The following ACYP2 variants were observed in gnomAD, a reference collection of about 807,000 sequenced individuals.
The protein encoded by ACYP2 is acylphosphatase 2, also known as acylphosphatase-2.
In ACYP2, 12 loss-of-function variants were observed where a neutral mutation model predicts 11.2. The ratio of observed to expected loss-of-function variants is 1.08; its 90% CI spans 0.69 to 1.74. ACYP2 has a LOEUF of 1.74. ACYP2 is among the 40% of genes most tolerant of loss of function. The pLI, the probability that ACYP2 is intolerant of heterozygous loss-of-function variation, is 0.00. For missense variants in ACYP2, 134 were observed against 101.9 expected (o/e 1.31, Z -1.35); for synonymous variants, 43 against 32.2 (o/e 1.33, Z -1.13).
chr2:54,003,412 A>G (rs1213438865), intron 2 of ACYP2, among the ~76,000 whole-genome samples: 5 of 152,106 alleles, frequency 3.3e-5, no homozygotes, highest in African/African-American at 1.2e-4. Context: ...GGCATCTGCC[A>G]CCACATCCGG....
chr2:54,299,283 G>A (rs1454180693), intron 6 of ACYP2, among the ~76,000 whole-genome samples: 3 of 152,102 alleles, frequency 2.0e-5, no homozygotes. Context: ...GCTCCCAGAT[G>A]CAATGGTCAC....
intron 1 of ACYP2, among the ~76,000 whole-genome samples, chr2:53,971,622 C>T (rs913010971): frequency 2.0e-5 from 3 of 152,134 alleles, no homozygotes; most frequent in South Asian, 2.1e-4. Context: ...CTCCCAAGGA[C>T]TTAGTCTAGC....
chr2:54,255,575 G>A (rs763306307), intron 6 of ACYP2: 22 of 1,612,412 alleles, frequency 1.4e-5, no homozygotes, highest in Middle Eastern at 1.6e-4. Flanking sequence ...AGGGGCCCGG[G>A]CCCGGGCCCA....
At chr2:54,054,735 A>G (rs963232050) in intron 3 of ACYP2, among the ~76,000 whole-genome samples, 13 of 152,246 alleles carry the variant, frequency 8.5e-5, no homozygotes, top group Admixed American at 8.5e-4. Context: ...ATGATTGCCC[A>G]CAATCATATA....
At chr2:54,141,864 G>C (rs1176530490) in intron 6 of ACYP2, 1 of 631,340 alleles carries the variant, frequency 1.6e-6, no homozygotes, top group African/African-American at 1.8e-5. Context: ...TGAGACAAGG[G>C]TCTTGCTCTC....
chr2:54,280,197 G>T (rs192093437), intron 6 of ACYP2, among the ~76,000 whole-genome samples: 4 of 152,226 alleles, frequency 2.6e-5, no homozygotes, highest in African/African-American at 7.2e-5. Context: ...AGAACCTGAT[G>T]TAAGTCAGGG....
At chr2:53,982,721 C>T (rs924248545) in intron 2 of ACYP2, among the ~76,000 whole-genome samples, 3 of 152,162 alleles carry the variant, frequency 2.0e-5, no homozygotes, top group Non-Finnish European at 2.9e-5. Context: ...ATTGTCTTAG[C>T]ATGAGACTTC....
chr2:54,103,265 C>T (rs1021733058), intron 4 of ACYP2, among the ~76,000 whole-genome samples: 1 of 152,194 alleles, frequency 6.6e-6, no homozygotes, highest in South Asian at 2.1e-4. Context: ...ATAAAAGCAA[C>T]ACATGTCCAC....
intron 2 of ACYP2, among the ~76,000 whole-genome samples, chr2:54,046,167 CAAAAAAAAAAAA>C (rs36114622): frequency 2.1e-4 from 12 of 55,846 alleles, no homozygotes; most frequent in Admixed American, 1.2e-3. Flanking sequence ...CAGACCCTGT[CAAAAAAAAAAAA>C]AAAAAAAAAA....
intron 6 of ACYP2, among the ~76,000 whole-genome samples, chr2:54,139,210 T>C (rs1681456295): frequency 6.6e-6 from 1 of 152,228 alleles, no homozygotes; most frequent in African/African-American, 2.4e-5. Context: ...AGGGCCCAAG[T>C]AATTCTCATT....
chr2:54,204,365 G>A (rs913681267), intron 6 of ACYP2, among the ~76,000 whole-genome samples: 1 of 148,092 alleles, frequency 6.8e-6, no homozygotes, highest in Admixed American at 6.7e-5. Context: ...TATTTTATGT[G>A]TGGCCCAACG....
At chr2:54,140,229 T>C (rs1305409510) in intron 6 of ACYP2, among the ~76,000 whole-genome samples, 1 of 152,146 alleles carries the variant, frequency 6.6e-6, no homozygotes, top group East Asian at 1.9e-4. Context: ...CAAATGATTG[T>C]GTGGAAGTTT....
intron 2 of ACYP2, among the ~76,000 whole-genome samples, chr2:53,986,232 C>T (rs2104514430): frequency 6.6e-6 from 1 of 152,296 alleles, no homozygotes; most frequent in Middle Eastern, 3.4e-3. Flanking sequence ...CATATGCTGT[C>T]TCTTCTTCCC....
At chr2:54,069,670 AAAAAACAAAAAAAAC>A (rs953466470) in intron 4 of ACYP2, among the ~76,000 whole-genome samples, 9 of 152,090 alleles carry the variant, frequency 5.9e-5, no homozygotes, top group African/African-American at 2.2e-4. Flanking sequence ...TCAAAAAAAC[AAAAAACAAAAAAAAC>A]AAAAACAAAA....
chr2:53,972,046 A>C (rs953145046), intron 1 of ACYP2, among the ~76,000 whole-genome samples: 2 of 152,230 alleles, frequency 1.3e-5, no homozygotes, highest in South Asian at 4.1e-4. Flanking sequence ...GCAGTGGCTC[A>C]CGCCTGTAAT....
At chr2:54,050,233 G>A (rs1161759395) in intron 2 of ACYP2, among the ~76,000 whole-genome samples, 1 of 152,056 alleles carries the variant, frequency 6.6e-6, no homozygotes, top group Non-Finnish European at 1.5e-5. Context: ...TTGAGGACCT[G>A]CTGTATATTG....
At chr2:54,246,201 G>A (rs187123928) in intron 6 of ACYP2, among the ~76,000 whole-genome samples, 6 of 152,110 alleles carry the variant, frequency 3.9e-5, no homozygotes, top group Admixed American at 3.9e-4. Context: ...TCTCTATTCT[G>A]TTCTACTGAT....
intron 6 of ACYP2, among the ~76,000 whole-genome samples, chr2:54,279,344 G>A (rs1404493673): frequency 2.0e-5 from 3 of 152,136 alleles, no homozygotes; most frequent in Non-Finnish European, 2.9e-5. Context: ...TTGAGTAAAT[G>A]CAACAAGGCT....
At chr2:54,095,019 CAG>C (rs1678442983) in intron 4 of ACYP2, among the ~76,000 whole-genome samples, 1 of 149,132 alleles carries the variant, frequency 6.7e-6, no homozygotes, top group South Asian at 2.1e-4. Flanking sequence ...TTTTCCTAGG[CAG>C]AGGACCCTGC....
Sources: allele counts gnomAD v4.1 joint callset (sites outside exome capture counted in the v4.1 genomes callset), GRCh38; gene constraint gnomAD v4.1.1; transcripts MANE v1.5; gene names NCBI Gene and HGNC (gene_info 2026-07-23, HGNC 2026-07-21).